The following FAM76A variants were observed in gnomAD, a reference collection of about 807,000 sequenced individuals.
FAM76A encodes protein FAM76A.
FAM76A carries 32 observed loss-of-function variants against 46.2 expected under a neutral mutation model. The observed-to-expected ratio is 0.69, with a 90% CI of 0.52 to 0.93. The LOEUF (loss-of-function observed/expected upper bound fraction) is 0.93, where lower values mean the gene tolerates loss of function less well. Ranked by LOEUF, FAM76A falls within the 40% of genes least tolerant of loss-of-function variation. The pLI, the probability that FAM76A is intolerant of heterozygous loss-of-function variation, is 0.00. For synonymous variants in FAM76A, 137 were observed against 127.0 expected (o/e 1.08, Z -0.53); for missense variants, 274 against 361.5 (o/e 0.76, Z 1.96).
rs537922639 is a variant in FAM76A, at chr1:27,741,879, T to C, written c.355-2775T>C. Among the ~76,000 whole-genome samples, 8 of 136,328 alleles carry C rather than the reference T, an allele frequency of 5.9e-5. No homozygotes were observed. In the East Asian group the frequency reaches 1.7e-3, roughly 29 times the overall value. The allele number at this position is 136,328 out of a possible 152,430, so 89.4% of individuals were successfully genotyped here. A position where few individuals can be genotyped will look rare whatever the true frequency, so the allele number is the denominator to read the frequency against. On this transcript the variant is annotated intron_variant, in intron 4 of 8. Transcript: ENST00000373954. The stretch of plus-strand genomic sequence containing the variant: ...GCCTGGGTGACAAAGTGAGACTCTA[T>C]CTCAAAAAAAAAAAAAAGAGAGAGG...
intron 4 of FAM76A, chr1:27,739,147 A>G (rs965616703): frequency 3.3e-5 from 12 of 365,662 alleles, no homozygotes; most frequent in Middle Eastern, 8.3e-4. Flanking sequence ...GAACGCCACA[A>G]TGACAAGACC....
chr1:27,736,308 C>G (rs2088043548), intron 4 of FAM76A, among the ~76,000 whole-genome samples: 1 of 152,014 alleles, frequency 6.6e-6, no homozygotes, highest in Non-Finnish European at 1.5e-5. Flanking sequence ...GGCAACAGAG[C>G]AAGACTTCAT....
At chr1:27,759,967 C>T in intron 8 of FAM76A, 1 of 459,912 alleles carries the variant, frequency 2.2e-6, no homozygotes. Flanking sequence ...GAGATGGGCT[C>T]TCGCTATATT....
intron 5 of FAM76A, among the ~76,000 whole-genome samples, chr1:27,745,211 T>C (rs952098409): frequency 6.6e-6 from 1 of 152,046 alleles, no homozygotes; most frequent in African/African-American, 2.4e-5. Context: ...AAAGATGTCT[T>C]TTCATTGTTG....
intron 6 of FAM76A, among the ~76,000 whole-genome samples, chr1:27,754,321 G>C (rs2088377235): frequency 6.6e-6 from 1 of 152,032 alleles, no homozygotes; most frequent in South Asian, 2.1e-4. Context: ...GGTCAGGCTG[G>C]TCTTGAACTC....
chr1:27,751,445 T>G (rs1410773092), intron 6 of FAM76A, among the ~76,000 whole-genome samples: 5 of 152,136 alleles, frequency 3.3e-5, no homozygotes, highest in African/African-American at 9.7e-5. Context: ...ACATTTTTTT[T>G]GACAGTCCTT....
intron 4 of FAM76A, among the ~76,000 whole-genome samples, chr1:27,743,553 C>G (rs552142701): frequency 1.3e-5 from 2 of 152,200 alleles, no homozygotes; most frequent in African/African-American, 4.8e-5. Context: ...CACTTGAGCT[C>G]AGGAGTTCAA....
chr1:27,735,125 G>A (rs565053848), intron 4 of FAM76A, among the ~76,000 whole-genome samples: 20 of 152,252 alleles, frequency 1.3e-4, no homozygotes, highest in Admixed American at 7.2e-4. Context: ...TCTGACATGC[G>A]GATCTCACTC....
intron 4 of FAM76A, among the ~76,000 whole-genome samples, chr1:27,734,495 T>A (rs2088012743): frequency 6.6e-6 from 1 of 152,126 alleles, no homozygotes. Flanking sequence ...TGCAGTGAGC[T>A]GAGATCATGC....
rs1270249428 is a variant in FAM76A at position 27,761,474 on chromosome 1, G to A, written c.*893G>A. 6.6e-6 allele frequency: 1 copy of A among 152,550 alleles called. No homozygotes were observed. The highest frequency in any genetic ancestry group is 1.5e-5 in the Non-Finnish European group (1 of 68,020). 9.4% of individuals were successfully genotyped at this position (152,550 alleles called of 1,614,324 possible). A position where few individuals can be genotyped will look rare whatever the true frequency, so the allele number is the denominator to read the frequency against. Reference sequence around the variant, plus strand: ...TTGAACCGTCTGTCTTTTTAAGTAAGGGCAGAAAGCAAGGTTGTCCAGGTT... The same window carrying A: ...TTGAACCGTCTGTCTTTTTAAGTAAAGGCAGAAAGCAAGGTTGTCCAGGTT... On this transcript the variant is annotated 3_prime_UTR_variant, in exon 9 of 9. Coordinates refer to ENST00000373954, the MANE Select transcript of FAM76A (RefSeq NM_152660.3).
At chr1:27,746,200 T>C (rs2088238355) in intron 5 of FAM76A, among the ~76,000 whole-genome samples, 1 of 152,148 alleles carries the variant, frequency 6.6e-6, no homozygotes, top group Non-Finnish European at 1.5e-5. Flanking sequence ...TGGAGAATTA[T>C]GAGAAACAGA....
At chr1:27,740,556 AC>A (rs2148574333) in intron 4 of FAM76A, 3 of 1,114,636 alleles carry the variant, frequency 2.7e-6, no homozygotes, top group East Asian at 2.4e-5. Context: ...AGGAGTGAGG[AC>A]CCCAGATCTG....
chr1:27,726,072 G>T lies in FAM76A; in HGVS notation c.-9G>T. ...GCCGGCGGGTCGGTGAGCGCGGCCC[G>T]GGCCGGACATGGCGGCGCTCTACGC... On this transcript the variant is annotated 5_prime_UTR_variant, in exon 1 of 9. Transcript: ENST00000373954. 1 of 1,238,466 alleles carries T rather than the reference G, an allele frequency of 8.1e-7. No individual in the cohort carries two copies. The highest frequency in any genetic ancestry group is 3.2e-5 in the South Asian group (1 of 30,888). The allele number at this position is 1,238,466 out of a possible 1,614,324, so 76.7% of individuals were successfully genotyped here. A position where few individuals can be genotyped will look rare whatever the true frequency, so the allele number is the denominator to read the frequency against.
rs1196900040 is a variant in FAM76A, at chr1:27,759,578, A to G, written c.788A>G (p.Lys263Arg). 5.0e-6 allele frequency: 8 copies of G among 1,613,846 alleles called. No homozygotes were observed. The highest frequency in any genetic ancestry group is 1.3e-5 in the African/African-American group (1 of 74,920). Residue 263 changes from lysine to arginine, a missense_variant, in exon 8 of 9, where the codon AAA becomes AGA. By Grantham distance (26) the Lys-to-Arg change is conservative. Transcript: ENST00000373954. Reference sequence around the variant, plus strand: ...TACCAGGAATCGCAGATGAGAGCCAAAATGAACCAGATGGAGAAAACCCAC... The same window carrying G: ...TACCAGGAATCGCAGATGAGAGCCAGAATGAACCAGATGGAGAAAACCCAC... The part of the protein sequence containing the change: ...FQYQESQMRA[K>R]MNQMEKTHKE...
chr1:27,727,238 GT>G (rs1310851730), intron 1 of FAM76A, among the ~76,000 whole-genome samples: 1 of 152,104 alleles, frequency 6.6e-6, no homozygotes, highest in Non-Finnish European at 1.5e-5. Context: ...ATATATGTTT[GT>G]TTTACAATTT....
At chr1:27,748,594 G>A (rs1278266875) in intron 5 of FAM76A, among the ~76,000 whole-genome samples, 2 of 145,292 alleles carry the variant, frequency 1.4e-5, no homozygotes, top group African/African-American at 5.1e-5. Flanking sequence ...CCATTCTGCT[G>A]CCTCAGCCTC....
At chr1:27,759,439 A>T in intron 7 of FAM76A, 87 bp from the exon 8 acceptor site, 1 of 782,672 alleles carries the variant, frequency 1.3e-6, no homozygotes, top group Non-Finnish European at 2.1e-6. Flanking sequence ...GGATTTCATT[A>T]ATTTGGGTGA....
chr1:27,732,459 A>G (rs2087975558), intron 2 of FAM76A, 144 bp from the exon 3 acceptor site: 2 of 528,482 alleles, frequency 3.8e-6, no homozygotes, highest in Non-Finnish European at 6.9e-6. Context: ...AAGAGTTATT[A>G]GAAAGGTACT....
At chr1:27,754,792 C>A (rs1372523113) in intron 6 of FAM76A, among the ~76,000 whole-genome samples, 1 of 152,148 alleles carries the variant, frequency 6.6e-6, no homozygotes, top group Admixed American at 6.5e-5. Flanking sequence ...AAGAAAAATG[C>A]ATGAGCTCAC....
Sources: gnomAD v4.1 joint callset for allele counts (sites outside exome capture counted in the v4.1 genomes callset) on GRCh38, gnomAD v4.1.1 for gene constraint, MANE v1.5 for transcripts, NCBI Gene and HGNC (gene_info 2026-07-23, HGNC 2026-07-21) for gene names.